Variants in TBC1D4 observed in about 807,000 individuals in gnomAD.
TBC1D4 encodes TBC (Tre-2, BUB2, CDC16) domain-containing protein.
Under a neutral mutation model 142.5 loss-of-function variants are expected in TBC1D4, and 121 were observed. The ratio of observed to expected loss-of-function variants is 0.85; its 90% CI spans 0.73 to 0.99. The LOEUF (loss-of-function observed/expected upper bound fraction) is 0.99, where lower values mean the gene tolerates loss of function less well. Among genes scored for constraint, TBC1D4 ranks in the 50% least tolerant of loss-of-function variants. The pLI is 0.00. For synonymous variants in TBC1D4, 630 were observed against 628.2 expected (o/e 1.00, Z -0.04); for missense variants, 1,475 against 1,606.6 (o/e 0.92, Z 1.40).
chr13:75,396,187 T>A (rs949947770), intron 1 of TBC1D4, among the ~76,000 whole-genome samples: 9 of 152,154 alleles, frequency 5.9e-5, no homozygotes, highest in Non-Finnish European at 1.2e-4. Flanking sequence ...TAGAAAAAAA[T>A]CAGTCGGCCT....
At chr13:75,415,039 G>A (rs1422707530) in intron 1 of TBC1D4, among the ~76,000 whole-genome samples, 4 of 150,244 alleles carry the variant, frequency 2.7e-5, no homozygotes, top group Non-Finnish European at 4.4e-5. Context: ...CAAGAGAATC[G>A]CTTGAACCCA....
At position 75,313,033 on chromosome 13, in the gene TBC1D4, A is replaced by G. The variant is rs1877945331; in HGVS notation, c.2223-135T>C. On this transcript the variant is annotated intron_variant, in intron 12 of 20. Transcript: ENST00000377636. ...AGCCACAGGCAACATGGAGCAATGCATCACCAGGCACACTAGTCACCCAGG... is the reference window on the plus strand; with the variant it reads ...AGCCACAGGCAACATGGAGCAATGCGTCACCAGGCACACTAGTCACCCAGG... The G allele has an allele frequency of 4.3e-6, 4 of 935,140 alleles. No individual in the cohort carries two copies. The Admixed American group carries it at 7.9e-5, about 19-fold the overall frequency. The allele number at this position is 935,140 out of a possible 1,614,324, so 57.9% of individuals were successfully genotyped here.
rs149180610 is a variant in TBC1D4 at position 75,305,537 on chromosome 13, C to T, written c.2752+776G>A. The stretch of plus-strand genomic sequence containing the variant: ...GAACACTATATTAAGTTTGTCAATG[C>T]AGCAGCTTTCAAAATAACACTTATC... On this transcript the variant is annotated intron_variant, in intron 15 of 20. Coordinates refer to ENST00000377636, the MANE Select transcript of TBC1D4 (RefSeq NM_014832.5). Among the ~76,000 whole-genome samples, 75 of 152,296 alleles carry T rather than the reference C, an allele frequency of 4.9e-4. No homozygotes were observed. In the East Asian group the frequency reaches 0.013, roughly 27 times the overall value.
chr13:75,308,806 C>A (rs1877444818), intron 14 of TBC1D4, among the ~76,000 whole-genome samples: 1 of 152,098 alleles, frequency 6.6e-6, no homozygotes, highest in Non-Finnish European at 1.5e-5. Flanking sequence ...CAAGTAATAG[C>A]ATTTTTAATT....
At chr13:75,375,084 C>T (rs1031648348) in intron 1 of TBC1D4, among the ~76,000 whole-genome samples, 1 of 152,192 alleles carries the variant, frequency 6.6e-6, no homozygotes. Flanking sequence ...TTTCCAACAA[C>T]AGAAGACAAG....
At position 75,384,922 on chromosome 13, in the gene TBC1D4, T is replaced by C. The variant is rs542861238; in HGVS notation, c.499-22315A>G. Among the ~76,000 whole-genome samples the C allele has an allele frequency of 2.0e-5, 3 of 152,342 alleles. No individual in the cohort carries two copies. In the South Asian group the frequency reaches 6.2e-4, roughly 32 times the overall value. ...CTTATAAATATTGGATAAACACAAATGCTTCTTTCAGCCCAGTGAATAAAA... is the reference window on the plus strand; with the variant it reads ...CTTATAAATATTGGATAAACACAAACGCTTCTTTCAGCCCAGTGAATAAAA... On this transcript the variant is annotated intron_variant, in intron 1 of 20. Transcript: ENST00000377636.
chr13:75,455,439 C>T (rs906114244), intron 1 of TBC1D4, among the ~76,000 whole-genome samples: 5 of 151,968 alleles, frequency 3.3e-5, no homozygotes, highest in African/African-American at 9.7e-5. Context: ...TCTTACAGGA[C>T]ACAAAACAAA....
chr13:75,420,556 C>G (rs4883997), intron 1 of TBC1D4, among the ~76,000 whole-genome samples: 127,404 of 152,164 alleles, frequency 0.84, 54,254 homozygotes, highest in East Asian at 0.98. Context: ...ACGAAATTTA[C>G]AACTGCTTCA....
At chr13:75,297,990 T>C (rs1255625120) in intron 17 of TBC1D4, among the ~76,000 whole-genome samples, 1 of 152,076 alleles carries the variant, frequency 6.6e-6, no homozygotes, top group Non-Finnish European at 1.5e-5. Context: ...TTCATCTCCA[T>C]TCATACTCTC....
intron 1 of TBC1D4, among the ~76,000 whole-genome samples, chr13:75,408,510 G>A (rs1885447755): frequency 6.6e-6 from 1 of 152,172 alleles, no homozygotes; most frequent in African/African-American, 2.4e-5. Flanking sequence ...CAGGCCTCTA[G>A]TGTAACCATC....
At chr13:75,371,429 G>A (rs991998277) in intron 1 of TBC1D4, among the ~76,000 whole-genome samples, 2 of 152,176 alleles carry the variant, frequency 1.3e-5, no homozygotes, top group Non-Finnish European at 2.9e-5. Context: ...GAAAGGGAAA[G>A]GCAGAATAGA....
chr13:75,461,219 A>T (rs933464850), intron 1 of TBC1D4, among the ~76,000 whole-genome samples: 3 of 152,350 alleles, frequency 2.0e-5, no homozygotes, highest in Non-Finnish European at 2.9e-5. Context: ...AATTCAGTTG[A>T]GCCACTTTTT....
intron 1 of TBC1D4, among the ~76,000 whole-genome samples, chr13:75,420,228 A>G (rs1886104782): frequency 6.6e-6 from 1 of 152,178 alleles, no homozygotes; most frequent in African/African-American, 2.4e-5. Flanking sequence ...TGGCAATAGG[A>G]ATGGACAAAG....
At chr13:75,440,591 A>G (rs1304840843) in intron 1 of TBC1D4, among the ~76,000 whole-genome samples, 2 of 151,852 alleles carry the variant, frequency 1.3e-5, no homozygotes, top group Admixed American at 1.3e-4. Flanking sequence ...GTGTCACTGC[A>G]TGCCCAGGCT....
chr13:75,437,985 C>G (rs1886869022), intron 1 of TBC1D4, among the ~76,000 whole-genome samples: 1 of 152,096 alleles, frequency 6.6e-6, no homozygotes, highest in Admixed American at 6.5e-5. Context: ...CATTCTTGGC[C>G]AAGAAAATAC....
At chr13:75,474,639 ATTTAACCTTTTTTTTTTTT>A (rs1375158754) in intron 1 of TBC1D4, among the ~76,000 whole-genome samples, 1 of 115,330 alleles carries the variant, frequency 8.7e-6, no homozygotes, top group East Asian at 2.9e-4. Flanking sequence ...TGGAGAAATA[ATTTAACCTTTTTTTTTTTT>A]TTTAATCTCA....
chr13:75,355,217 G>A lies in TBC1D4; in HGVS notation c.1275+930C>T, dbSNP rs74422630. Among the ~76,000 whole-genome samples the A allele has an allele frequency of 6.6e-5, 10 of 152,294 alleles. No homozygotes were observed. In the East Asian group the frequency reaches 1.5e-3, roughly 23 times the overall value. ...GCTGCCTGACTGATTTCTATATGAC[G>A]AAGTTGTATGTGTTTCCCTGGGAGA... On this transcript the variant is annotated intron_variant, in intron 4 of 20. Transcript: ENST00000377636.
chr13:75,434,485 C>T (rs1886712863), intron 1 of TBC1D4, among the ~76,000 whole-genome samples: 1 of 151,866 alleles, frequency 6.6e-6, no homozygotes, highest in African/African-American at 2.4e-5. Context: ...AAGAAGGAAA[C>T]TACTTGAGGG....
At chr13:75,336,293 A>C (rs562676376) in intron 8 of TBC1D4, among the ~76,000 whole-genome samples, 3 of 152,270 alleles carry the variant, frequency 2.0e-5, no homozygotes, top group Admixed American at 2.0e-4. Context: ...GCTACTCAGG[A>C]GGCTGAGGCA....
Sources: allele counts gnomAD v4.1 joint callset (sites outside exome capture counted in the v4.1 genomes callset), GRCh38; gene constraint gnomAD v4.1.1; transcripts MANE v1.5; gene names NCBI Gene and HGNC (gene_info 2026-07-23, HGNC 2026-07-21).